Variants in STK3 observed in about 807,000 individuals in gnomAD.
STK3 encodes serine/threonine kinase 3.
In STK3, 41 loss-of-function variants were observed where a neutral mutation model predicts 58.0. The observed-to-expected ratio is 0.71, with a 90% confidence interval of 0.55 to 0.92. STK3 has a LOEUF of 0.92. Ranked by LOEUF, STK3 falls within the 40% of genes least tolerant of loss-of-function variation. The pLI, the probability that STK3 is intolerant of heterozygous loss-of-function variation, is 0.00. For missense variants in STK3, 479 were observed against 602.7 expected (o/e 0.79, Z 2.15); for synonymous variants, 170 against 191.0 (o/e 0.89, Z 0.91).
At chr8:98,695,036 T>C (rs200676431) in intron 6 of STK3, among the ~76,000 whole-genome samples, 147 of 152,282 alleles carry the variant, frequency 9.7e-4, no homozygotes, top group African/African-American at 3.1e-3. Flanking sequence ...TTTTAATGAT[T>C]GCCATTCTAA....
intron 5 of STK3, 148 bp downstream of exon 5, chr8:98,706,999 A>T: frequency 1.4e-6 from 1 of 735,402 alleles, no homozygotes; most frequent in Non-Finnish European, 2.1e-6. Flanking sequence ...ATAATACTCA[A>T]ATTTGGCTCA....
intron 3 of STK3, among the ~76,000 whole-genome samples, chr8:98,422,674 T>C (rs1818187096): frequency 6.6e-6 from 1 of 151,926 alleles, no homozygotes; most frequent in Non-Finnish European, 1.5e-5. Context: ...CTCACAGTGC[T>C]CCCACCGCAG....
chr8:98,917,317 A>C (rs1185614832), intron 1 of STK3, among the ~76,000 whole-genome samples: 1 of 152,252 alleles, frequency 6.6e-6, no homozygotes, highest in Non-Finnish European at 1.5e-5. Context: ...GGCTCTGAGC[A>C]AATGGCAGAT....
intron 6 of STK3, chr8:98,598,693 A>G (rs958650776): frequency 1.0e-6 from 1 of 985,266 alleles, no homozygotes; most frequent in African/African-American, 1.7e-5. Context: ...TTCCCTTGCC[A>G]CCAACCAAAT....
chr8:98,697,263 T>G (rs1309793355), intron 6 of STK3, among the ~76,000 whole-genome samples: 1 of 152,240 alleles, frequency 6.6e-6, no homozygotes, highest in African/African-American at 2.4e-5. Flanking sequence ...TCTTTATTAG[T>G]CTTGCTAGCG....
At chr8:98,368,660 T>A (rs1441819497), downstream of STK3, among the ~76,000 whole-genome samples, 1 of 152,092 alleles carries the variant, frequency 6.6e-6, no homozygotes, top group East Asian at 1.9e-4. Context: ...CGTGTCAGAA[T>A]GAAGGTAAGT....
chr8:98,916,650 C>T (rs1308701419), intron 1 of STK3, among the ~76,000 whole-genome samples: 1 of 152,106 alleles, frequency 6.6e-6, no homozygotes, highest in Non-Finnish European at 1.5e-5. Context: ...AATACATTAC[C>T]TAAGTTATTA....
intron 2 of STK3, among the ~76,000 whole-genome samples, chr8:98,374,710 C>A (rs1047795424): frequency 1.1e-4 from 16 of 152,106 alleles, no homozygotes; most frequent in African/African-American, 3.9e-4. Context: ...TAGCTCTCTA[C>A]CATGGATGTG....
At chr8:98,811,471 G>A (rs201034907) in intron 1 of STK3, among the ~76,000 whole-genome samples, 3 of 150,134 alleles carry the variant, frequency 2.0e-5, no homozygotes, top group South Asian at 2.1e-4. Flanking sequence ...TAATGATGCC[G>A]AGAAGATTAT....
intron 8 of STK3, among the ~76,000 whole-genome samples, chr8:98,556,257 C>T (rs1811577421): frequency 6.6e-6 from 1 of 152,094 alleles, no homozygotes; most frequent in Non-Finnish European, 1.5e-5. Context: ...AGTAAGGTAG[C>T]ACCCCAGGTG....
chr8:98,896,422 A>C (rs1281295373), intron 1 of STK3, among the ~76,000 whole-genome samples: 2 of 152,148 alleles, frequency 1.3e-5, no homozygotes, highest in African/African-American at 4.8e-5. Context: ...GGACACCCAG[A>C]ATCTCATCCC....
intron 6 of STK3, among the ~76,000 whole-genome samples, chr8:98,654,427 A>AC (rs1206493322): frequency 6.6e-6 from 1 of 152,154 alleles, no homozygotes; most frequent in Non-Finnish European, 1.5e-5. Context: ...CTGGCACAAG[A>AC]CAGGGATGCC....
intron 4 of STK3, chr8:98,720,937 TAA>T: frequency 4.3e-6 from 1 of 231,044 alleles, no homozygotes; most frequent in Non-Finnish European, 7.1e-6. Context: ...AAATAGGCAG[TAA>T]AAAAAAATCA....
intron 4 of STK3, among the ~76,000 whole-genome samples, chr8:98,740,921 C>CAAA (rs1829148463): frequency 6.6e-6 from 1 of 151,348 alleles, no homozygotes; most frequent in Non-Finnish European, 1.5e-5. Flanking sequence ...AAATGGAAAA[C>CAAA]AAAAAAAGGC....
At chr8:98,584,353 G>T (rs1563766433) in intron 7 of STK3, among the ~76,000 whole-genome samples, 1 of 151,318 alleles carries the variant, frequency 6.6e-6, no homozygotes, top group African/African-American at 2.4e-5. Flanking sequence ...ACGGTGTTTG[G>T]TTTTTTGTTC....
chr8:98,403,856 C>G (rs1236243588), intron 3 of STK3, among the ~76,000 whole-genome samples: 1 of 152,266 alleles, frequency 6.6e-6, no homozygotes, highest in African/African-American at 2.4e-5. Context: ...GGGGCACCCT[C>G]AGCCTCTGCT....
chr8:98,568,582 G>A (rs933880893), intron 8 of STK3, among the ~76,000 whole-genome samples: 1 of 152,108 alleles, frequency 6.6e-6, no homozygotes, highest in Admixed American at 6.6e-5. Flanking sequence ...TTTGAAGAAA[G>A]CCCATAAAGT....
intron 6 of STK3, among the ~76,000 whole-genome samples, chr8:98,692,005 A>G (rs1824449523): frequency 6.6e-6 from 1 of 152,172 alleles, no homozygotes; most frequent in East Asian, 1.9e-4. Context: ...ATAATGGACA[A>G]TAAGCATATG....
At chr8:98,367,819 A>G (rs1340702870), downstream of STK3, among the ~76,000 whole-genome samples, 1 of 152,228 alleles carries the variant, frequency 6.6e-6, no homozygotes, top group African/African-American at 2.4e-5. Context: ...ATCCAGCACC[A>G]GCATGCAGGC....
Sources: gnomAD v4.1 joint callset for allele counts (sites outside exome capture counted in the v4.1 genomes callset) on GRCh38, gnomAD v4.1.1 for gene constraint, MANE v1.5 for transcripts, NCBI Gene and HGNC (gene_info 2026-07-23, HGNC 2026-07-21) for gene names.